Variants in PHLDB2 observed in about 807,000 individuals in gnomAD.
The protein encoded by PHLDB2 is pleckstrin homology-like domain family B member 2.
Under a neutral mutation model 123.6 loss-of-function variants are expected in PHLDB2, and 71 were observed. The ratio of observed to expected loss-of-function variants is 0.57; its 90% CI spans 0.47 to 0.70. The LOEUF is 0.70. Among genes scored for constraint, PHLDB2 ranks in the 30% least tolerant of loss-of-function variants. The probability of loss-of-function intolerance (pLI) is 0.00; values close to 1 mark genes in which losing one functional copy is unlikely to be tolerated. For missense variants in PHLDB2, 1,446 were observed against 1,519.5 expected, an observed-to-expected ratio of 0.95 and a Z score of 0.80; for synonymous variants, 547 against 541.6, an observed-to-expected ratio of 1.01 and a Z score of -0.14.
intron 2 of PHLDB2, among the ~76,000 whole-genome samples, chr3:111,897,909 T>C (rs2066962954): frequency 6.6e-6 from 1 of 152,240 alleles, no homozygotes; most frequent in African/African-American, 2.4e-5. Flanking sequence ...ACGCAAATTT[T>C]TTGGTTTCCC....
chr3:111,965,923 G>T (rs2071719001), intron 13 of PHLDB2, among the ~76,000 whole-genome samples: 1 of 152,112 alleles, frequency 6.6e-6, no homozygotes, highest in Non-Finnish European at 1.5e-5. Context: ...TTTCACTTGA[G>T]TGATGTCTTT....
chr3:111,748,583 G>A (rs909036027), intron 1 of PHLDB2, among the ~76,000 whole-genome samples: 3 of 151,822 alleles, frequency 2.0e-5, no homozygotes, highest in Non-Finnish European at 4.4e-5. Context: ...GTACAGTGGC[G>A]CGATCTCGGC....
intron 8 of PHLDB2, among the ~76,000 whole-genome samples, chr3:111,941,752 AGCCAAGATCAT>A (rs2069900220): frequency 6.6e-6 from 1 of 152,212 alleles, no homozygotes; most frequent in Admixed American, 6.5e-5. Context: ...GGTTTCAGTA[AGCCAAGATCAT>A]GCCACTGCAC....
At chr3:111,860,461 G>A (rs2064773184) in intron 1 of PHLDB2, among the ~76,000 whole-genome samples, 1 of 152,238 alleles carries the variant, frequency 6.6e-6, no homozygotes, top group African/African-American at 2.4e-5. Flanking sequence ...TCCCTGCGCG[G>A]CGGAGGCGCA....
intron 1 of PHLDB2, among the ~76,000 whole-genome samples, chr3:111,841,532 C>G (rs1360527092): frequency 1.3e-5 from 2 of 152,198 alleles, no homozygotes; most frequent in Non-Finnish European, 2.9e-5. Context: ...CTCTATCTAA[C>G]AGTTGAGATC....
intron 1 of PHLDB2, among the ~76,000 whole-genome samples, chr3:111,785,582 A>G (rs2060648084): frequency 6.6e-6 from 1 of 152,156 alleles, no homozygotes; most frequent in Non-Finnish European, 1.5e-5. Flanking sequence ...TCTGAATATT[A>G]AATATGACAG....
At chr3:111,754,979 A>C (rs75448070) in intron 1 of PHLDB2, among the ~76,000 whole-genome samples, 65 of 151,672 alleles carry the variant, frequency 4.3e-4, no homozygotes, top group Non-Finnish European at 7.4e-4. Context: ...ATTGAACCAG[A>C]CTTGCATCCC....
rs546131415 is a variant in PHLDB2, at chr3:111,746,165, T to C, written c.-49+13462T>C. 3.3e-5 allele frequency among the ~76,000 whole-genome samples: 5 copies of C among 152,328 alleles called. No individual in the cohort carries two copies. The East Asian group carries it at 9.6e-4, about 29-fold the overall frequency. Reference sequence around the variant, plus strand: ...CATCTAGAATCAAGCACTTTGGAGTTATGGACTGAGCGAGTCAGTGACAAT... The same window carrying C: ...CATCTAGAATCAAGCACTTTGGAGTCATGGACTGAGCGAGTCAGTGACAAT... On this transcript the variant is annotated intron_variant, in intron 1 of 17. Coordinates refer to the PHLDB2 transcript ENST00000393923.
chr3:111,754,086 T>C (rs896185612), intron 1 of PHLDB2, among the ~76,000 whole-genome samples: 4 of 152,126 alleles, frequency 2.6e-5, no homozygotes, highest in African/African-American at 7.2e-5. Context: ...GGTAGCGTGA[T>C]GCCTCCAGCT....
At chr3:111,891,960 A>G (rs747328965) in intron 2 of PHLDB2, among the ~76,000 whole-genome samples, 5 of 152,230 alleles carry the variant, frequency 3.3e-5, no homozygotes, top group Non-Finnish European at 7.3e-5. Context: ...GTGGAGAACC[A>G]GTGGATTCCC....
intron 9 of PHLDB2, among the ~76,000 whole-genome samples, chr3:111,948,633 A>G (rs2070481151): frequency 6.6e-6 from 1 of 152,234 alleles, no homozygotes; most frequent in Non-Finnish European, 1.5e-5. Context: ...TAATCCATCA[A>G]CAGAATGAAT....
chr3:111,900,248 C>A (rs6796403), intron 2 of PHLDB2, among the ~76,000 whole-genome samples: 25,803 of 152,192 alleles, frequency 0.17, 2,412 homozygotes, highest in Non-Finnish European at 0.19. Context: ...TGAAGAATCA[C>A]CTTTAATTTC....
intron 1 of PHLDB2, among the ~76,000 whole-genome samples, chr3:111,741,953 T>A (rs189344959): frequency 1.3e-5 from 2 of 152,344 alleles, no homozygotes; most frequent in African/African-American, 4.8e-5. Context: ...TTATTTTAGA[T>A]GGTGTTATGA....
chr3:111,930,521 A>G (rs1027382991), intron 5 of PHLDB2, among the ~76,000 whole-genome samples: 12 of 152,202 alleles, frequency 7.9e-5, no homozygotes, highest in Non-Finnish European at 1.5e-4. Flanking sequence ...TTTGCTGTGT[A>G]AATAGGGCAA....
chr3:111,758,721 GAGC>G (rs1310421673), intron 1 of PHLDB2, among the ~76,000 whole-genome samples: 1 of 152,194 alleles, frequency 6.6e-6, no homozygotes, highest in East Asian at 1.9e-4. Context: ...CTGCAGACTG[GAGC>G]TGTTCCTATT....
intron 5 of PHLDB2, among the ~76,000 whole-genome samples, chr3:111,926,347 A>G (rs1457094365): frequency 6.6e-6 from 1 of 152,240 alleles, no homozygotes; most frequent in African/African-American, 2.4e-5. Context: ...AGCCTAGCCC[A>G]GAATTCTTCA....
intron 1 of PHLDB2, among the ~76,000 whole-genome samples, chr3:111,835,368 ACTTT>A: frequency 6.6e-6 from 1 of 152,322 alleles, no homozygotes; most frequent in Non-Finnish European, 1.5e-5. Context: ...CATGCAAAGT[ACTTT>A]ATTAAGTGTT....
chr3:111,860,020 G>A, intron 1 of PHLDB2: 1 of 459,932 alleles, frequency 2.2e-6, no homozygotes, highest in Non-Finnish European at 2.9e-6. Flanking sequence ...ACTCTCGGGG[G>A]GCTGGGTAGA....
chr3:111,896,205 A>T (rs779227121), intron 2 of PHLDB2, among the ~76,000 whole-genome samples: 6 of 152,020 alleles, frequency 3.9e-5, no homozygotes, highest in Non-Finnish European at 8.8e-5. Context: ...TGCTCCCCTT[A>T]GCCTCTGAAA....
Sources: gnomAD v4.1 joint callset for allele counts (sites outside exome capture counted in the v4.1 genomes callset) on GRCh38, gnomAD v4.1.1 for gene constraint, MANE v1.5 for transcripts, NCBI Gene and HGNC (gene_info 2026-07-23, HGNC 2026-07-21) for gene names.